KDM4B: variants seen among roughly 807,000 people sequenced by gnomAD.
KDM4B encodes the protein lysine-specific demethylase 4B.
In KDM4B, 32 loss-of-function variants were observed where a neutral mutation model predicts 125.2. The observed-to-expected ratio is 0.26, with a 90% CI of 0.19 to 0.34. KDM4B has a LOEUF of 0.34. KDM4B is among the 10% of genes least tolerant of loss of function. KDM4B has a pLI of 1.00. For missense variants in KDM4B, 1,190 were observed against 1,577.7 expected (o/e 0.75, Z 4.16); for synonymous variants, 721 against 677.9 (o/e 1.06, Z -0.99).
intron 9 of KDM4B, among the ~76,000 whole-genome samples, chr19:5,097,532 C>T (rs1015855914): frequency 4.6e-5 from 7 of 152,206 alleles, no homozygotes; most frequent in East Asian, 3.9e-4. Context: ...AGATGACAGG[C>T]GTGAGCCGCC....
At chr19:4,983,938 G>A (rs1568206149) in intron 1 of KDM4B, among the ~76,000 whole-genome samples, 1 of 152,136 alleles carries the variant, frequency 6.6e-6, no homozygotes, top group Non-Finnish European at 1.5e-5. Flanking sequence ...TGCAGGTCCC[G>A]CTTCAAGGCT....
chr19:5,072,281 C>G (rs2037973497), intron 7 of KDM4B, among the ~76,000 whole-genome samples: 1 of 152,188 alleles, frequency 6.6e-6, no homozygotes, highest in Admixed American at 6.5e-5. Context: ...CCAGGAGTCA[C>G]GTGGCTGTGC....
chr19:4,999,711 A>G (rs968895297), intron 1 of KDM4B, among the ~76,000 whole-genome samples: 6 of 151,336 alleles, frequency 4.0e-5, no homozygotes, highest in African/African-American at 1.5e-4. Context: ...CTATCCATCT[A>G]TCCACCTGTC....
At chr19:5,063,468 A>C (rs1001151950) in intron 6 of KDM4B, among the ~76,000 whole-genome samples, 8 of 152,114 alleles carry the variant, frequency 5.3e-5, no homozygotes, top group African/African-American at 1.9e-4. Flanking sequence ...CTTTAGATGA[A>C]GGTCATCGGG....
chr19:5,038,158 T>C (rs2036688803), intron 3 of KDM4B, among the ~76,000 whole-genome samples: 1 of 152,196 alleles, frequency 6.6e-6, no homozygotes, highest in Non-Finnish European at 1.5e-5. Flanking sequence ...GTGCAGTGGG[T>C]GGCCCGGTCG....
At position 4,971,367 on chromosome 19, in the gene KDM4B, CCTT is replaced by C. The variant is rs1239514661; in HGVS notation, c.-109+2140_-109+2142del. 1.3e-5 allele frequency among the ~76,000 whole-genome samples: 2 copies of C among 152,132 alleles called. No homozygotes were observed. The highest frequency in any genetic ancestry group is 2.4e-5 in the African/African-American group (1 of 41,426). On this transcript the variant is annotated intron_variant, in intron 1 of 22. Coordinates refer to ENST00000159111, the MANE Select transcript of KDM4B (RefSeq NM_015015.3). This position sits in a 1 kb window ranked among gnomAD's most constrained non-coding sequence, Gnocchi z 4.1. ...GGTGGCCAGGGGCCGTCCTCTGTGTCCTTCTCTCCCACCTGACCACTCTGCCTG... is the reference window on the plus strand; with the variant it reads ...GGTGGCCAGGGGCCGTCCTCTGTGTCCTCTCCCACCTGACCACTCTGCCTG...
chr19:5,102,894 G>A (rs924377858), intron 9 of KDM4B, among the ~76,000 whole-genome samples: 1 of 152,198 alleles, frequency 6.6e-6, no homozygotes, highest in East Asian at 1.9e-4. Flanking sequence ...AGATCTCCAG[G>A]TTTTATTGGG....
intron 7 of KDM4B, chr19:5,075,480 T>C (rs1381596672): frequency 6.6e-6 from 1 of 152,216 alleles, no homozygotes; most frequent in African/African-American, 2.4e-5. Context: ...TTATTTTTAT[T>C]TTTATTTTTG....
intron 1 of KDM4B, among the ~76,000 whole-genome samples, chr19:5,007,740 A>G (rs2035607375): frequency 6.6e-6 from 1 of 151,440 alleles, no homozygotes; most frequent in Non-Finnish European, 1.5e-5. Flanking sequence ...TTTTGTGGAG[A>G]TGGCATCTTG....
chr19:5,069,585 C>T (rs778641133), intron 6 of KDM4B, among the ~76,000 whole-genome samples: 12 of 150,478 alleles, frequency 8.0e-5, no homozygotes, highest in Non-Finnish European at 1.5e-4. Flanking sequence ...TGGGATTAGA[C>T]GTGAGCCACT....
At chr19:5,111,776 C>T (rs776089653) in intron 10 of KDM4B, 1 of 765,086 alleles carries the variant, frequency 1.3e-6, no homozygotes, top group African/African-American at 1.7e-5. Flanking sequence ...ACTTTGCAGG[C>T]CAGGCCTCCT....
In KDM4B at chr19:5,084,620, T is replaced by C. The variant is rs932777821; in HGVS notation, c.918+2116T>C. 3.5e-5 allele frequency among the ~76,000 whole-genome samples: 5 copies of C among 144,218 alleles called. No homozygotes were observed. The East Asian group carries it at 5.9e-4, about 17-fold the overall frequency. The allele number at this position is 144,218 out of a possible 152,430, so 94.6% of individuals were successfully genotyped here. On this transcript the variant is annotated intron_variant, in intron 9 of 22. Coordinates refer to ENST00000159111, the MANE Select transcript of KDM4B (RefSeq NM_015015.3). ...TATATAAATTATATATATAACATAA[T>C]TTATATATATAAATTATATATGTAT...
rs2038982217 is a variant in KDM4B, at chr19:5,103,741, C to T, written c.919-6881C>T. 1.3e-5 allele frequency among the ~76,000 whole-genome samples: 2 copies of T among 152,206 alleles called. 1 individual carries two copies. The highest frequency in any genetic ancestry group is 1.3e-4 in the Admixed American group (2 of 15,288). On this transcript the variant is annotated intron_variant, in intron 9 of 22. Coordinates refer to ENST00000159111, the MANE Select transcript of KDM4B (RefSeq NM_015015.3). Reference sequence around the variant, plus strand: ...ATCTGTCAGTGGAGACTCATGTTAGCCATGTCAGGAGGGCCTGTGTTGGAG... The same window carrying T: ...ATCTGTCAGTGGAGACTCATGTTAGTCATGTCAGGAGGGCCTGTGTTGGAG...
intron 1 of KDM4B, among the ~76,000 whole-genome samples, chr19:5,006,348 C>T (rs1346118955): frequency 1.3e-5 from 2 of 152,194 alleles, no homozygotes; most frequent in African/African-American, 4.8e-5. Flanking sequence ...TCTCCTGCTC[C>T]TCCCACCCCT....
At chr19:5,025,674 G>A (rs996821197) in intron 2 of KDM4B, among the ~76,000 whole-genome samples, 9 of 152,090 alleles carry the variant, frequency 5.9e-5, no homozygotes, top group Non-Finnish European at 1.0e-4. Flanking sequence ...CCTGCCATCC[G>A]GCCTCTGGGG....
intron 21 of KDM4B, among the ~76,000 whole-genome samples, chr19:5,145,124 C>T (rs966002611): frequency 2.0e-5 from 3 of 152,088 alleles, no homozygotes; most frequent in Admixed American, 1.3e-4. Context: ...GGCCTCCACT[C>T]GGGTGACATT....
intron 5 of KDM4B, among the ~76,000 whole-genome samples, chr19:5,044,919 G>T (rs188294492): frequency 1.2e-4 from 19 of 152,254 alleles, no homozygotes; most frequent in Admixed American, 1.0e-3. Context: ...ATTTTTCATG[G>T]CTTGAGAGCT....
rs575263852 is a variant in KDM4B, at chr19:4,997,856, G to T, written c.-108-18401G>T. On this transcript the variant is annotated intron_variant, in intron 1 of 22. Transcript: ENST00000159111. This position sits in a 1 kb window ranked among gnomAD's most constrained non-coding sequence, Gnocchi z 4.2. ...GTTGCTAGACCTGGCGGGCCCCAGG[G>T]CCAGGAGTGAGGGGCGGACGTGCCA... is the stretch of plus-strand genomic sequence containing the variant. Among the ~76,000 whole-genome samples the T allele has an allele frequency of 1.7e-4, 26 of 152,392 alleles. No homozygotes were observed. In the South Asian group the frequency reaches 2.3e-3, roughly 13 times the overall value.
chr19:5,107,230 C>G (rs1218736972), intron 9 of KDM4B, among the ~76,000 whole-genome samples: 4 of 152,268 alleles, frequency 2.6e-5, no homozygotes, highest in Non-Finnish European at 4.4e-5. Flanking sequence ...GGGACACAGG[C>G]CCTGGGGCGT....
Sources: allele counts gnomAD v4.1 joint callset (sites outside exome capture counted in the v4.1 genomes callset), GRCh38; gene constraint gnomAD v4.1.1; non-coding constraint Gnocchi (gnomAD v3.1); transcripts MANE v1.5; gene names NCBI Gene and HGNC (gene_info 2026-07-23, HGNC 2026-07-21).